C2CD3: variants seen among roughly 807,000 people sequenced by gnomAD.
The protein encoded by C2CD3 is C2 domain containing 3 centriole elongation regulator, also known as C2 domain-containing protein 3.
In C2CD3, 148 loss-of-function variants were observed where a neutral mutation model predicts 234.0. The ratio of observed to expected loss-of-function variants is 0.63; its 90% confidence interval spans 0.55 to 0.72. C2CD3 has a LOEUF of 0.72. Among genes scored for constraint, C2CD3 ranks in the 30% least tolerant of loss-of-function variants. The pLI is 0.00. For synonymous variants in C2CD3, 1,000 were observed against 1,035.4 expected, an observed-to-expected ratio of 0.97 and a Z score of 0.66; for missense variants, 2,577 against 2,811.5, an observed-to-expected ratio of 0.92 and a Z score of 1.89.
rs1391739896 is a variant in C2CD3, at chr11:74,048,259, A to C, written c.5441T>G (p.Leu1814Arg). 6.2e-7 allele frequency: 1 copy of C among 1,613,748 alleles called. No individual in the cohort carries two copies. Among genetic ancestry groups the C allele is most frequent in the African/African-American group, 1.3e-5 (1 of 75,042 alleles). ...AFSSHMARQTLDQLAHASSKE... is the reference protein window; with the variant it reads ...AFSSHMARQTRDQLAHASSKE... ...TGAGGAGGCATGAGCAAGTTGGTCT[A>C]GGGTCTGCCTTGCCATGTGGCTGGA... is the stretch of plus-strand genomic sequence containing the variant. Residue 1814 changes from leucine to arginine, a missense_variant, in exon 28 of 33, where the codon CTA becomes CGA. Physicochemically the swap from Leu to Arg is moderately radical, Grantham distance 102 (BLOSUM62 -2). Transcript: ENST00000334126.
chr11:74,069,427 C>T (rs1211497418), intron 24 of C2CD3, among the ~76,000 whole-genome samples: 1 of 152,166 alleles, frequency 6.6e-6, no homozygotes, highest in African/African-American at 2.4e-5. Context: ...CCAGTTATGC[C>T]ATTTAAGAAT....
At chr11:74,015,140 C>T (rs1465576080) in intron 32 of C2CD3, among the ~76,000 whole-genome samples, 3 of 152,258 alleles carry the variant, frequency 2.0e-5, no homozygotes, top group Non-Finnish European at 4.4e-5. Flanking sequence ...TGCTCTCCCA[C>T]TTCCACACTG....
intron 3 of C2CD3, among the ~76,000 whole-genome samples, chr11:74,154,459 A>AAATGAATG (rs562390446): frequency 2.0e-4 from 31 of 152,304 alleles, no homozygotes; most frequent in East Asian, 7.7e-4. Context: ...CTGGGAATAT[A>AAATGAATG]AATGAATGAA....
At chr11:74,067,581 T>C (rs924021204) in intron 24 of C2CD3, among the ~76,000 whole-genome samples, 2 of 152,110 alleles carry the variant, frequency 1.3e-5, no homozygotes, top group Non-Finnish European at 2.9e-5. Flanking sequence ...AATTTAATGG[T>C]AGTAGGCAAA....
At chr11:74,150,821 G>A (rs1855594272) in intron 3 of C2CD3, among the ~76,000 whole-genome samples, 1 of 151,670 alleles carries the variant, frequency 6.6e-6, no homozygotes, top group African/African-American at 2.4e-5. Context: ...CAAAACTTGA[G>A]TCAACATTCT....
At chr11:74,102,808 G>C (rs956783106) in intron 14 of C2CD3, among the ~76,000 whole-genome samples, 2 of 152,168 alleles carry the variant, frequency 1.3e-5, no homozygotes, top group Non-Finnish European at 2.9e-5. Flanking sequence ...AATAAAGAAG[G>C]AGAGATTGGA....
At position 74,132,969 on chromosome 11, in the gene C2CD3, G is replaced by A. The variant is rs746593780; in HGVS notation, c.1092C>T (p.Ile364=). 2.5e-6 allele frequency: 4 copies of A among 1,613,232 alleles called. No homozygotes were observed. Among genetic ancestry groups the A allele is most frequent in the South Asian group, 2.2e-5 (2 of 90,928 alleles). ...NEDSLRASTQ[I]RAFSRNRFKD... ...TAAACCGATTCCTAGAAAAGGCTCT[G>A]ATCCTAAGGTGTGGAAAAATACTTT... Residue 364 remains isoleucine, a synonymous_variant, in exon 7 of 33, where the codon ATC becomes ATT. Coordinates refer to ENST00000334126, the MANE Select transcript of C2CD3 (RefSeq NM_001286577.2).
chr11:74,112,847 T>C (rs112032874), intron 11 of C2CD3, among the ~76,000 whole-genome samples: 7 of 152,170 alleles, frequency 4.6e-5, no homozygotes, highest in African/African-American at 1.4e-4. Context: ...ATACTGCTAG[T>C]GGGAAAATGG....
rs769847567 is a variant in C2CD3, at chr11:74,133,531, G to C, written c.982C>G (p.Arg328Gly). The change falls in exon 6 of 33, where the codon CGT becomes GGT. Residue 328 changes from arginine (R) to glycine (G), a missense_variant. Coordinates refer to ENST00000334126, the MANE Select transcript of C2CD3 (RefSeq NM_001286577.2). ...SALLEQGNKL[R>G]NAMVISAMKS... is the part of the protein sequence containing the mutation. Reference sequence around the variant, plus strand: ...ATTGCAGAAATCACCATGGCATTACGCAGTTTATTGCCTTGTTCTAACAGA... The same window carrying C: ...ATTGCAGAAATCACCATGGCATTACCCAGTTTATTGCCTTGTTCTAACAGA... 8.1e-6 allele frequency: 13 copies of C among 1,613,762 alleles called. No homozygotes were observed. The highest frequency in any genetic ancestry group is 3.3e-5 in the Admixed American group (2 of 59,988).
At chr11:74,019,787 A>T (rs558024830) in intron 32 of C2CD3, among the ~76,000 whole-genome samples, 1 of 151,856 alleles carries the variant, frequency 6.6e-6, no homozygotes, top group Non-Finnish European at 1.5e-5. Flanking sequence ...AGTGATTCTC[A>T]TGCCTCAGCC....
intron 7 of C2CD3, among the ~76,000 whole-genome samples, chr11:74,126,484 T>C (rs1957417841): frequency 6.6e-6 from 1 of 152,216 alleles, no homozygotes; most frequent in Non-Finnish European, 1.5e-5. Context: ...TGCTCACGCC[T>C]GTAATCCCAG....
chr11:74,100,436 A>C, intron 15 of C2CD3, 89 bp downstream of exon 15: 1 of 1,241,458 alleles, frequency 8.1e-7, no homozygotes, highest in Non-Finnish European at 1.1e-6. Context: ...TTACTGGGCT[A>C]TTCATGTTTG....
chr11:74,091,691 A>G (rs10898955), intron 19 of C2CD3, among the ~76,000 whole-genome samples: 27,371 of 152,152 alleles, frequency 0.18, 2,665 homozygotes, highest in East Asian at 0.3. Context: ...GGTTCATGCT[A>G]TCTTCTACCA....
At position 74,168,297 on chromosome 11, in the gene C2CD3, A is replaced by G. The variant is rs1338716017; in HGVS notation, c.325+47T>C. ...CACTTATTGCTGACAATATAACCAC[A>G]TGCTTTGTATTACGTCTGCAGGTGC... On this transcript the variant is annotated intron_variant, in intron 2 of 32. Coordinates refer to ENST00000334126, the MANE Select transcript of C2CD3 (RefSeq NM_001286577.2). The G allele has an allele frequency of 9.4e-6, 14 of 1,486,070 alleles. No individual in the cohort carries two copies. The African/African-American group carries it at 1.1e-4, about 12-fold the overall frequency. The allele number at this position is 1,486,070 out of a possible 1,614,324, so 92.1% of individuals were successfully genotyped here. A position where few individuals can be genotyped will look rare whatever the true frequency, so the allele number is the denominator to read the frequency against.
intron 2 of C2CD3, chr11:74,164,322 A>C: frequency 1.3e-6 from 1 of 794,406 alleles, no homozygotes; most frequent in Non-Finnish European, 1.5e-6. Context: ...TCCATGCTCC[A>C]AACATTTTCA....
At chr11:74,098,343 G>C in intron 15 of C2CD3, 88 bp from the exon 16 acceptor site, 1 of 1,383,710 alleles carries the variant, frequency 7.2e-7, no homozygotes, top group Non-Finnish European at 9.9e-7. Flanking sequence ...TTTTCAGTTT[G>C]TTAAAAATAG....
chr11:74,073,936 G>A (rs918437382), intron 24 of C2CD3, among the ~76,000 whole-genome samples: 1 of 152,192 alleles, frequency 6.6e-6, no homozygotes, highest in Middle Eastern at 3.2e-3. Context: ...CATTAGGAAG[G>A]CCTGAGTTGG....
chr11:74,016,836 G>A (rs1951898253), intron 32 of C2CD3: 1 of 152,398 alleles, frequency 6.6e-6, no homozygotes, highest in East Asian at 1.9e-4. Flanking sequence ...CAGAACATGG[G>A]CTTTGTGGGA....
Position 74,161,410 on chromosome 11 carries a change from C to G in C2CD3, c.472G>C (p.Gly158Arg). ...AAATATATTTTTACCTGGAGTTCTCCAAGTTTCTTAGACGTTGATGAAACA... is the reference window on the plus strand; with the variant it reads ...AAATATATTTTTACCTGGAGTTCTCGAAGTTTCTTAGACGTTGATGAAACA... The part of the protein sequence containing the change: ...TIVSSTSKKL[G>R]ELQVSLALEP... Residue 158 changes from glycine to arginine, a missense_variant, in exon 3 of 33, where the codon GGA (glycine) becomes CGA (arginine). Gly to Arg is a moderately radical substitution (Grantham distance 125, BLOSUM62 -2). Coordinates refer to ENST00000334126, the MANE Select transcript of C2CD3 (RefSeq NM_001286577.2). The G allele has an allele frequency of 6.4e-7, 1 of 1,572,312 alleles. No individual in the cohort carries two copies. The highest frequency in any genetic ancestry group is 8.6e-7 in the Non-Finnish European group (1 of 1,163,612).
Sources: gnomAD v4.1 joint callset for allele counts (sites outside exome capture counted in the v4.1 genomes callset) on GRCh38, gnomAD v4.1.1 for gene constraint, MANE v1.5 for transcripts, NCBI Gene and HGNC (gene_info 2026-07-23, HGNC 2026-07-21) for gene names.